The following CNBD2 variants were observed in gnomAD, a reference collection of about 807,000 sequenced individuals.
The protein encoded by CNBD2 is cyclic nucleotide binding domain containing 2, also known as cyclic nucleotide-binding domain-containing protein 2.
Under a neutral mutation model 63.7 loss-of-function variants are expected in CNBD2, and 64 were observed. That is an observed-to-expected ratio of 1.00 (90% CI 0.82 to 1.24). The LOEUF is 1.24. CNBD2 is among the 50% of genes most tolerant of loss of function. The pLI is 0.00. For missense variants in CNBD2, 691 were observed against 713.5 expected (o/e 0.97, Z 0.36); for synonymous variants, 229 against 255.4 (o/e 0.90, Z 0.99).
chr20:35,962,876 C>T (rs1250463693), intron 2 of CNBD2, among the ~76,000 whole-genome samples: 1 of 152,136 alleles, frequency 6.6e-6, no homozygotes. Flanking sequence ...TCAGTGTTCT[C>T]AGTTCATTAC....
intron 3 of CNBD2, among the ~76,000 whole-genome samples, chr20:35,979,288 C>T (rs2056564229): frequency 6.6e-6 from 1 of 152,184 alleles, no homozygotes; most frequent in Non-Finnish European, 1.5e-5. Context: ...TGTAACATCC[C>T]CAGCCTGCCA....
chr20:35,994,640 G>C (rs2056797194), intron 7 of CNBD2, among the ~76,000 whole-genome samples: 1 of 149,816 alleles, frequency 6.7e-6, no homozygotes, highest in Non-Finnish European at 1.5e-5. Flanking sequence ...TGTAATCCCA[G>C]CACTTTGGGA....
chr20:36,014,584 C>T (rs1601093400), intron 10 of CNBD2, among the ~76,000 whole-genome samples: 1 of 151,348 alleles, frequency 6.6e-6, no homozygotes, highest in East Asian at 2.0e-4. Flanking sequence ...CCACCTCGGC[C>T]TACCAAAGTG....
At chr20:36,011,069 T>A (rs2057052457) in intron 9 of CNBD2, 68 bp from the exon 10 acceptor site, 3 of 1,376,216 alleles carry the variant, frequency 2.2e-6, no homozygotes, top group Non-Finnish European at 2.9e-6. Context: ...GAGTGAGGGC[T>A]GATTAGCCAG....
chr20:35,997,084 C>T (rs909240498), intron 8 of CNBD2, among the ~76,000 whole-genome samples: 2 of 152,218 alleles, frequency 1.3e-5, no homozygotes, highest in African/African-American at 4.8e-5. Context: ...TTTCCATTCA[C>T]AGCTCTGTAA....
At chr20:36,020,239 G>A (rs1044050205) in intron 10 of CNBD2, among the ~76,000 whole-genome samples, 3 of 152,098 alleles carry the variant, frequency 2.0e-5, no homozygotes, top group East Asian at 1.9e-4. Flanking sequence ...CCCGCACCAC[G>A]CCCGGCTAAT....
intron 3 of CNBD2, among the ~76,000 whole-genome samples, chr20:35,976,886 T>TC (rs1339137225): frequency 6.6e-6 from 1 of 152,176 alleles, no homozygotes; most frequent in Non-Finnish European, 1.5e-5. Flanking sequence ...ATAATGGGTA[T>TC]CAGGGCCACC....
intron 11 of CNBD2, among the ~76,000 whole-genome samples, chr20:36,025,861 T>C (rs1488852166): frequency 1.3e-5 from 2 of 152,166 alleles, no homozygotes; most frequent in Admixed American, 1.3e-4. Context: ...TGTTAATTTG[T>C]TTTTATTATA....
chr20:35,954,707 T>C (rs991924316), exon 1 of CNBD2: 14 of 1,039,096 alleles, frequency 1.3e-5, no homozygotes, highest in Middle Eastern at 3.9e-4. Flanking sequence ...TGTTTGGAGA[T>C]AGACTTCAAG....
At chr20:36,027,668 T>A (rs1181252277) in intron 11 of CNBD2, among the ~76,000 whole-genome samples, 1 of 151,684 alleles carries the variant, frequency 6.6e-6, no homozygotes, top group Non-Finnish European at 1.5e-5. Context: ...TGAAGGAAAA[T>A]CATTTGTAAT....
At chr20:36,001,687 GC>G (rs2056908830) in intron 8 of CNBD2, among the ~76,000 whole-genome samples, 1 of 151,480 alleles carries the variant, frequency 6.6e-6, no homozygotes, top group African/African-American at 2.4e-5. Context: ...AGACGGGGCG[GC>G]CGGGCAGAGA....
At chr20:35,963,734 A>G (rs1002064352), upstream of CNBD2, among the ~76,000 whole-genome samples, 8 of 152,212 alleles carry the variant, frequency 5.3e-5, no homozygotes, top group Admixed American at 4.6e-4. Flanking sequence ...CTAGTATTTA[A>G]GTGTTAAAAG....
intron 7 of CNBD2, among the ~76,000 whole-genome samples, chr20:35,994,803 C>T (rs1314740150): frequency 6.6e-6 from 1 of 151,946 alleles, no homozygotes; most frequent in African/African-American, 2.4e-5. Flanking sequence ...GCAGGAGAAT[C>T]GCTTGAACTC....
At chr20:35,974,659 T>C (rs17093270) in intron 2 of CNBD2, 9,960 of 152,416 alleles carry the variant, frequency 0.065, 434 homozygotes, top group South Asian at 0.21. Flanking sequence ...GTAGTCTCCC[T>C]GAGAAGCACC....
intron 3 of CNBD2, among the ~76,000 whole-genome samples, chr20:35,979,744 G>A (rs539285331): frequency 6.6e-6 from 1 of 152,278 alleles, no homozygotes; most frequent in Non-Finnish European, 1.5e-5. Context: ...CCATGTCCAC[G>A]AGAAAACCCA....
At chr20:36,028,665 C>T (rs1448097448) in intron 11 of CNBD2, among the ~76,000 whole-genome samples, 2 of 147,858 alleles carry the variant, frequency 1.4e-5, no homozygotes, top group African/African-American at 2.6e-5. Context: ...CCCAGGAGGG[C>T]TTAAGGGCGT....
chr20:35,965,690 T>C (rs2056340453), upstream of CNBD2, among the ~76,000 whole-genome samples: 1 of 152,086 alleles, frequency 6.6e-6, no homozygotes. Flanking sequence ...GACTTAAATG[T>C]GTGACTCTGA....
chr20:36,023,522 AT>A, intron 10 of CNBD2, 79 bp from the exon 11 acceptor site: 1 of 1,293,530 alleles, frequency 7.7e-7, no homozygotes, highest in Non-Finnish European at 1.0e-6. Flanking sequence ...TCAAAAAAAA[AT>A]AAAAGAAAAA....
chr20:36,020,243 G>A (rs547581459), intron 10 of CNBD2, among the ~76,000 whole-genome samples: 29 of 152,090 alleles, frequency 1.9e-4, no homozygotes, highest in East Asian at 7.7e-4. Flanking sequence ...CACCACGCCC[G>A]GCTAATTTTC....
Sources: gnomAD v4.1 joint callset for allele counts (sites outside exome capture counted in the v4.1 genomes callset) on GRCh38, gnomAD v4.1.1 for gene constraint, MANE v1.5 for transcripts, NCBI Gene and HGNC (gene_info 2026-07-23, HGNC 2026-07-21) for gene names.